The following DOCK2 variants were observed in gnomAD, a reference collection of about 807,000 sequenced individuals.
The protein encoded by DOCK2 is dedicator of cytokinesis protein 2.
Under a neutral mutation model 248.9 loss-of-function variants are expected in DOCK2, and 87 were observed. That is an observed-to-expected ratio of 0.35 (90% CI 0.29 to 0.42). The LOEUF (loss-of-function observed/expected upper bound fraction) is 0.42. DOCK2 is among the 10% of genes least tolerant of loss of function. The probability of loss-of-function intolerance (pLI) is 1.00; values close to 1 mark genes in which losing one functional copy is unlikely to be tolerated. For missense variants in DOCK2, 1,747 were observed against 2,300.2 expected (o/e 0.76, Z 4.92); for synonymous variants, 805 against 821.6 (o/e 0.98, Z 0.35).
intron 7 of DOCK2, among the ~76,000 whole-genome samples, chr5:169,683,873 G>C (rs1487297661): frequency 6.6e-6 from 1 of 152,146 alleles, no homozygotes; most frequent in Non-Finnish European, 1.5e-5. Flanking sequence ...TCTGTACCTA[G>C]CTGTTGCATC....
intron 27 of DOCK2, among the ~76,000 whole-genome samples, chr5:169,846,433 G>A (rs377294273): frequency 6.6e-6 from 1 of 152,068 alleles, no homozygotes; most frequent in Non-Finnish European, 1.5e-5. Context: ...AGGGAATTTT[G>A]CAAAAATAAA....
chr5:170,056,445 A>G, intron 42 of DOCK2: 1 of 451,416 alleles, frequency 2.2e-6, no homozygotes, highest in Non-Finnish European at 4.0e-6. Flanking sequence ...CTCTAGGGGT[A>G]CTATGTTCTC....
chr5:169,639,757 T>C (rs1211280916), intron 1 of DOCK2, among the ~76,000 whole-genome samples: 3 of 152,166 alleles, frequency 2.0e-5, no homozygotes, highest in Non-Finnish European at 4.4e-5. Flanking sequence ...AGCTAGGAAA[T>C]GTAGTCTGTA....
At chr5:169,792,437 C>T (rs925022210) in intron 25 of DOCK2, among the ~76,000 whole-genome samples, 1 of 132,946 alleles carries the variant, frequency 7.5e-6, no homozygotes, top group Non-Finnish European at 1.6e-5. Context: ...TATATGTGTA[C>T]ATATATTTTA....
intron 37 of DOCK2, 107 bp downstream of exon 37, chr5:170,041,252 GT>G: frequency 9.7e-7 from 1 of 1,028,070 alleles, no homozygotes. Context: ...CAAATATTTT[GT>G]TTTGCCCTGT....
At chr5:169,959,600 T>C (rs1777001629) in intron 27 of DOCK2, among the ~76,000 whole-genome samples, 1 of 152,170 alleles carries the variant, frequency 6.6e-6, no homozygotes, top group African/African-American at 2.4e-5. Flanking sequence ...TCACTGAATC[T>C]TTTATTGGGA....
intron 25 of DOCK2, among the ~76,000 whole-genome samples, chr5:169,793,128 G>A (rs936028527): frequency 1.3e-5 from 2 of 152,166 alleles, no homozygotes; most frequent in African/African-American, 4.8e-5. Flanking sequence ...GCCAGGAAAT[G>A]GTCTCTATGA....
At chr5:169,681,230 TCTC>T (rs2113352196) in intron 6 of DOCK2, among the ~76,000 whole-genome samples, 1 of 149,846 alleles carries the variant, frequency 6.7e-6, no homozygotes, top group South Asian at 2.2e-4. Context: ...TTCAAGAAAT[TCTC>T]CTGTCTCAGC....
chr5:169,676,058 C>G (rs767132538), intron 6 of DOCK2, among the ~76,000 whole-genome samples: 5 of 152,216 alleles, frequency 3.3e-5, no homozygotes, highest in Non-Finnish European at 7.3e-5. Flanking sequence ...GGCTGCTTTA[C>G]AATGACATCT....
intron 44 of DOCK2, among the ~76,000 whole-genome samples, chr5:170,058,905 G>C (rs1757229543): frequency 6.6e-6 from 1 of 152,124 alleles, no homozygotes; most frequent in African/African-American, 2.4e-5. Context: ...CCTAGACCTT[G>C]GAAAAGTATA....
At chr5:169,972,613 T>C (rs1777561214) in intron 27 of DOCK2, among the ~76,000 whole-genome samples, 2 of 110,166 alleles carry the variant, frequency 1.8e-5, no homozygotes, top group South Asian at 4.7e-4. Flanking sequence ...GATAGATAGA[T>C]AGATAGATAG....
At chr5:170,072,094 G>A (rs934323449) in intron 46 of DOCK2, among the ~76,000 whole-genome samples, 2 of 152,062 alleles carry the variant, frequency 1.3e-5, no homozygotes, top group Non-Finnish European at 2.9e-5. Context: ...GAACTTCCTT[G>A]TGTGTTTTTT....
intron 23 of DOCK2, among the ~76,000 whole-genome samples, chr5:169,758,275 A>G (rs1764299412): frequency 2.0e-5 from 3 of 152,232 alleles, no homozygotes; most frequent in South Asian, 4.1e-4. Context: ...ATACACACAC[A>G]TGCACATGTA....
At chr5:170,080,020 A>G in intron 49 of DOCK2, 143 bp from the exon 50 acceptor site, 2 of 1,416,538 alleles carry the variant, frequency 1.4e-6, no homozygotes, top group South Asian at 1.3e-5. Context: ...ATGGAATGGT[A>G]TAATACAGAA....
At chr5:169,881,592 CACG>C (rs1772657573) in intron 27 of DOCK2, 1 of 650,438 alleles carries the variant, frequency 1.5e-6, no homozygotes, top group Non-Finnish European at 2.8e-6. Context: ...ACAAGAATGT[CACG>C]ACAATAGGAG....
At position 170,034,522 on chromosome 5, in the gene DOCK2, A is replaced by G; in HGVS notation, c.3591A>G (p.Lys1197=). 1 of 1,614,170 alleles carries G rather than the reference A, an allele frequency of 6.2e-7. No homozygotes were observed. ...GGGGTGTGATGACAGATGAGAGCAAAGACAACCGCATGAGCTGCACCGTGA... is the reference window on the plus strand; with the variant it reads ...GGGGTGTGATGACAGATGAGAGCAAGGACAACCGCATGAGCTGCACCGTGA... ...DYRGVMTDES[K]DNRMSCTVNL... is the part of the protein sequence containing the mutation. Residue 1197 remains lysine (K), a synonymous_variant, in exon 35 of 52, where the codon AAA becomes AAG. Transcript: ENST00000520908.
chr5:170,077,692 C>T lies in DOCK2; in HGVS notation c.4867-18C>T. On this transcript the variant is annotated intron_variant, in intron 47 of 51. Coordinates refer to ENST00000520908, the MANE Select transcript of DOCK2 (RefSeq NM_004946.3). ...TCCCCAGGCTACAGCTGCTAACCAC[C>T]CTGTTCTCCCACCACAGCCTGACTT... The T allele has an allele frequency of 6.2e-7, 1 of 1,613,146 alleles. No individual in the cohort carries two copies. Among genetic ancestry groups the T allele is most frequent in the Non-Finnish European group, 8.5e-7 (1 of 1,179,528 alleles).
intron 27 of DOCK2, among the ~76,000 whole-genome samples, chr5:169,972,583 AGATG>A (rs1370538641): frequency 1.6e-3 from 75 of 47,792 alleles, no homozygotes; most frequent in Middle Eastern, 0.019. Context: ...ATAGATAGAT[AGATG>A]ATAGATAGAT....
intron 27 of DOCK2, chr5:169,883,935 T>C (rs1331765167): frequency 9.0e-6 from 13 of 1,449,232 alleles, no homozygotes; most frequent in Non-Finnish European, 1.1e-5. Flanking sequence ...CATACACTTC[T>C]CCTAGGCACA....
Sources: gnomAD v4.1 joint callset for allele counts (sites outside exome capture counted in the v4.1 genomes callset) on GRCh38, gnomAD v4.1.1 for gene constraint, MANE v1.5 for transcripts, NCBI Gene and HGNC (gene_info 2026-07-23, HGNC 2026-07-21) for gene names.